The following GARNL3 variants were observed in gnomAD, a reference collection of about 807,000 sequenced individuals.
GARNL3 encodes the protein GTPase-activating Rap/Ran-GAP domain-like protein 3.
Under a neutral mutation model 125.0 loss-of-function variants are expected in GARNL3, and 63 were observed. The observed-to-expected ratio is 0.50, with a 90% confidence interval of 0.41 to 0.62. GARNL3 has a LOEUF of 0.62. Among genes scored for constraint, GARNL3 ranks in the 20% least tolerant of loss-of-function variants. The pLI, the probability that GARNL3 is intolerant of heterozygous loss-of-function variation, is 0.00. For synonymous variants in GARNL3, 439 were observed against 457.5 expected (o/e 0.96, Z 0.52); for missense variants, 994 against 1,244.0 (o/e 0.80, Z 3.02).
chr9:127,352,494 T>A (rs1471586629), intron 17 of GARNL3, among the ~76,000 whole-genome samples: 2 of 152,178 alleles, frequency 1.3e-5, no homozygotes, highest in African/African-American at 4.8e-5. Context: ...AAAAATTAAG[T>A]CTGCCCCAGC....
At chr9:127,235,576 G>A (rs1232234421) in intron 1 of GARNL3, among the ~76,000 whole-genome samples, 1 of 152,090 alleles carries the variant, frequency 6.6e-6, no homozygotes, top group African/African-American at 2.4e-5. Context: ...TGAAATCATT[G>A]TGTCATGGAT....
chr9:127,292,591 A>C (rs2064455658), intron 2 of GARNL3, among the ~76,000 whole-genome samples: 1 of 152,232 alleles, frequency 6.6e-6, no homozygotes, highest in African/African-American at 2.4e-5. Flanking sequence ...TGAAATGGAC[A>C]AACCAAACTG....
rs141092281 is a variant in GARNL3, at chr9:127,333,093, G to C, written c.741G>C (p.Thr247=). The C allele has an allele frequency of 6.2e-7, 1 of 1,613,740 alleles. No individual in the cohort carries two copies. Among genetic ancestry groups the C allele is most frequent in the Non-Finnish European group, 8.5e-7 (1 of 1,179,860 alleles). Residue 247 remains threonine (T), a synonymous_variant, in exon 9 of 28, where the codon ACG becomes ACC. Coordinates refer to ENST00000373387, the MANE Select transcript of GARNL3 (RefSeq NM_032293.5). ...LGDTITLKGW[T]GYRGGLDTKN... is the part of the protein sequence containing the mutation. The stretch of plus-strand genomic sequence containing the variant: ...ACACAATCACTCTAAAGGGCTGGAC[G>C]GGCTACCGTGGCGGTCTGGATACCA...
At chr9:127,306,097 A>G (rs1466458492) in intron 2 of GARNL3, among the ~76,000 whole-genome samples, 2 of 152,224 alleles carry the variant, frequency 1.3e-5, no homozygotes, top group Non-Finnish European at 2.9e-5. Context: ...AGCCTAGGGC[A>G]TGCAGGTCAT....
At chr9:127,231,066 T>A (rs2063004231) in intron 1 of GARNL3, among the ~76,000 whole-genome samples, 1 of 123,598 alleles carries the variant, frequency 8.1e-6, no homozygotes, top group South Asian at 2.7e-4. Flanking sequence ...TTTTTTTTTT[T>A]TTTTTTGAGA....
chr9:127,297,715 T>A (rs1256161872), intron 2 of GARNL3, among the ~76,000 whole-genome samples: 1 of 152,250 alleles, frequency 6.6e-6, no homozygotes, highest in Non-Finnish European at 1.5e-5. Context: ...AAAATTCAGT[T>A]AATGCAGAAT....
At chr9:127,383,633 C>A in intron 23 of GARNL3, 88 bp downstream of exon 23, 1 of 777,164 alleles carries the variant, frequency 1.3e-6, no homozygotes, top group Non-Finnish European at 2.1e-6. Flanking sequence ...AAATCACTGG[C>A]TTACTGCGAA....
chr9:127,270,549 A>G (rs997950353), intron 1 of GARNL3, among the ~76,000 whole-genome samples: 1 of 152,132 alleles, frequency 6.6e-6, no homozygotes, highest in African/African-American at 2.4e-5. Context: ...CTTACTAGTC[A>G]TTCTTACTGA....
chr9:127,300,890 G>T, intron 2 of GARNL3: 1 of 254,774 alleles, frequency 3.9e-6, no homozygotes, highest in Non-Finnish European at 7.7e-6. Context: ...CACAATAAAG[G>T]ACTCACAGTG....
intron 21 of GARNL3, among the ~76,000 whole-genome samples, chr9:127,357,681 T>A (rs1448522778): frequency 6.6e-6 from 1 of 152,062 alleles, no homozygotes; most frequent in Non-Finnish European, 1.5e-5. Context: ...CTCACGCCTG[T>A]AATCCCAGCA....
intron 22 of GARNL3, among the ~76,000 whole-genome samples, chr9:127,368,425 A>G (rs946128515): frequency 2.0e-5 from 3 of 150,666 alleles, no homozygotes; most frequent in Non-Finnish European, 3.0e-5. Context: ...CTGCCTCCCA[A>G]GTTCAAGCAA....
intron 7 of GARNL3, among the ~76,000 whole-genome samples, chr9:127,329,019 A>G (rs1466221828): frequency 6.6e-6 from 1 of 152,174 alleles, no homozygotes; most frequent in Non-Finnish European, 1.5e-5. Flanking sequence ...AGAGCTCTGA[A>G]TGGCTGGTTA....
intron 22 of GARNL3, among the ~76,000 whole-genome samples, chr9:127,379,961 C>G (rs1832152704): frequency 6.6e-6 from 1 of 152,172 alleles, no homozygotes; most frequent in Non-Finnish European, 1.5e-5. Flanking sequence ...GGGTGGATCA[C>G]TTGTGGTCAG....
rs144346821 is a variant in GARNL3 at position 127,316,365 on chromosome 9, G to T, written c.439-1698G>T. ...GAGACCAGCCTGGGCAACATAGTGAGACCCTGCCTGCTACAAAAAAAAAAT... is the reference window on the plus strand; with the variant it reads ...GAGACCAGCCTGGGCAACATAGTGATACCCTGCCTGCTACAAAAAAAAAAT... On this transcript the variant is annotated intron_variant, in intron 4 of 27. Coordinates refer to ENST00000373387, the MANE Select transcript of GARNL3 (RefSeq NM_032293.5). Among the ~76,000 whole-genome samples the T allele has an allele frequency of 5.3e-3, 804 of 152,144 alleles. 1 individual carries two copies. The highest frequency in any genetic ancestry group is 0.016 in the Admixed American group (240 of 15,280).
chr9:127,342,181 A>G (rs772580997), intron 13 of GARNL3, 38 bp from the exon 14 acceptor site: 9 of 1,144,532 alleles, frequency 7.9e-6, no homozygotes, highest in Non-Finnish European at 1.2e-5. Flanking sequence ...GTGTCAAGAG[A>G]TATCTTGTAA....
In GARNL3 at chr9:127,291,163, C is replaced by T; in HGVS notation, c.145-5C>T. ...CTTCCTAATTGAATGCTTTTTCCCC[C>T]CTAGCTTATTTCCAGTGATGCTGAT... is the stretch of plus-strand genomic sequence containing the variant. On this transcript the variant is annotated splice_region_variant and splice_polypyrimidine_tract_variant and intron_variant, in intron 1 of 27. Transcript: ENST00000373387. 1.9e-6 allele frequency: 3 copies of T among 1,613,828 alleles called. No homozygotes were observed. The highest frequency in any genetic ancestry group is 2.5e-6 in the Non-Finnish European group (3 of 1,179,818).
At chr9:127,387,618 C>G (rs1832612729) in intron 25 of GARNL3, among the ~76,000 whole-genome samples, 1 of 151,792 alleles carries the variant, frequency 6.6e-6, no homozygotes, top group Non-Finnish European at 1.5e-5. Flanking sequence ...TGGCACACAC[C>G]TGTAATCCCA....
Position 127,307,698 on chromosome 9 carries a change from G to A in GARNL3, c.220-3938G>A, listed in dbSNP as rs370965828. Among the ~76,000 whole-genome samples, 22 of 152,156 alleles carry A rather than the reference G, an allele frequency of 1.4e-4. No individual in the cohort carries two copies. The East Asian group carries it at 3.7e-3, about 25-fold the overall frequency. On this transcript the variant is annotated intron_variant, in intron 2 of 27. Transcript: ENST00000373387. The stretch of plus-strand genomic sequence containing the variant: ...AATGAAAAATTGTGGAACAATACAC[G>A]AAAATGTTAATTTGAAAATTCAGGT...
At chr9:127,298,296 A>C (rs1365744985) in intron 2 of GARNL3, among the ~76,000 whole-genome samples, 1 of 152,130 alleles carries the variant, frequency 6.6e-6, no homozygotes, top group Admixed American at 6.5e-5. Flanking sequence ...CTCCTGCCTC[A>C]GCCTCCCAAA....
Sources: gnomAD v4.1 joint callset for allele counts (sites outside exome capture counted in the v4.1 genomes callset) on GRCh38, gnomAD v4.1.1 for gene constraint, MANE v1.5 for transcripts, NCBI Gene and HGNC (gene_info 2026-07-23, HGNC 2026-07-21) for gene names.